RUNX3: variants seen among roughly 807,000 people sequenced by gnomAD.
The protein encoded by RUNX3 is RUNX family transcription factor 3.
Under a neutral mutation model 27.7 loss-of-function variants are expected in RUNX3, and 10 were observed. The ratio of observed to expected loss-of-function variants is 0.36; its 90% CI spans 0.22 to 0.61. RUNX3 has a LOEUF of 0.61. Ranked by LOEUF, RUNX3 falls within the 20% of genes least tolerant of loss-of-function variation. RUNX3 has a pLI of 0.72. For missense variants in RUNX3, 469 were observed against 629.5 expected (o/e 0.75, Z 2.73); for synonymous variants, 270 against 269.2 (o/e 1.00, Z -0.03).
chr1:24,907,696 T>G (rs1337672766), intron 3 of RUNX3, among the ~76,000 whole-genome samples: 2 of 151,912 alleles, frequency 1.3e-5, no homozygotes, highest in Non-Finnish European at 2.9e-5. Flanking sequence ...CACGCGGTGA[T>G]CTAAACCTCT....
chr1:24,934,413 G>C (rs1269914805), upstream of RUNX3, among the ~76,000 whole-genome samples: 3 of 152,184 alleles, frequency 2.0e-5, no homozygotes, highest in African/African-American at 7.2e-5. Context: ...AGGGGAGGGA[G>C]AAGGAGCAAG....
intron 2 of RUNX3, among the ~76,000 whole-genome samples, chr1:24,924,550 G>A (rs1334723046): frequency 6.6e-6 from 1 of 150,962 alleles, no homozygotes; most frequent in African/African-American, 2.4e-5. Context: ...TCATGGTATT[G>A]GCAGCAAGGC....
chr1:24,957,352 CCAT>C (rs1341508384), intron 2 of RUNX3, among the ~76,000 whole-genome samples: 2 of 151,898 alleles, frequency 1.3e-5, no homozygotes, highest in African/African-American at 4.8e-5. Context: ...ATCCATCCAT[CCAT>C]CCATCCATCC....
upstream of RUNX3, among the ~76,000 whole-genome samples, chr1:24,932,086 G>T (rs552272859): frequency 1.3e-5 from 2 of 152,342 alleles, no homozygotes; most frequent in South Asian, 4.1e-4. Context: ...GCGGGACCAT[G>T]ACCCGCTGTT....
rs1640588145 is a variant in RUNX3, at chr1:24,902,848, C to G, written c.704-182G>C. ...CCCCCGCCAGGACTCCGAACACAGACCTGCCGGGAAGCTGGTTGGAGCGTG... is the reference window on the plus strand; with the variant it reads ...CCCCCGCCAGGACTCCGAACACAGAGCTGCCGGGAAGCTGGTTGGAGCGTG... On this transcript the variant is annotated intron_variant, in intron 4 of 4. Coordinates refer to ENST00000308873, the MANE Select transcript of RUNX3 (RefSeq NM_004350.3). The surrounding 1 kb of genome is among the most constrained non-coding windows in gnomAD (Gnocchi z 9.2). Among the ~76,000 whole-genome samples, 2 of 152,200 alleles carry G rather than the reference C, an allele frequency of 1.3e-5. No individual in the cohort carries two copies. Among genetic ancestry groups the G allele is most frequent in the African/African-American group, 4.8e-5 (2 of 41,448 alleles).
In RUNX3 at chr1:24,901,012, G is replaced by GTTTTGTTTTT. The variant is rs1640530712; in HGVS notation, c.*1100_*1109dup. ...TTTTCTAAAATCAGTTTTAAAAACT[G>GTTTTGTTTTT]TTTTGTTTTTTTTTTGTTTTTTTGT... is the stretch of plus-strand genomic sequence containing the variant. On this transcript the variant is annotated 3_prime_UTR_variant, in exon 5 of 5. Coordinates refer to ENST00000308873, the MANE Select transcript of RUNX3 (RefSeq NM_004350.3). The GTTTTGTTTTT allele has an allele frequency of 7.2e-6, 1 of 137,968 alleles. No homozygotes were observed. The highest frequency in any genetic ancestry group is 2.7e-5 in the African/African-American group (1 of 36,542). 8.5% of individuals were successfully genotyped at this position (137,968 alleles called of 1,614,324 possible). A position where few individuals can be genotyped will look rare whatever the true frequency, so the allele number is the denominator to read the frequency against.
intron 1 of RUNX3, chr1:24,929,368 C>CG (rs1319457875): frequency 1.7e-5 from 12 of 700,430 alleles, no homozygotes; most frequent in African/African-American, 3.5e-5. Flanking sequence ...CCAGGTGGAG[C>CG]GGGGCAACCC....
At chr1:24,935,942 C>T (rs1176614674) in intron 2 of RUNX3, among the ~76,000 whole-genome samples, 2 of 152,220 alleles carry the variant, frequency 1.3e-5, no homozygotes, top group East Asian at 1.9e-4. Context: ...GGAGCCCTTC[C>T]AGCACCCCAC....
chr1:24,952,546 G>A (rs1407879010), intron 2 of RUNX3, among the ~76,000 whole-genome samples: 3 of 152,190 alleles, frequency 2.0e-5, no homozygotes, highest in Non-Finnish European at 4.4e-5. Flanking sequence ...GTTGGGAGAT[G>A]CCACCCTCAT....
In RUNX3 at chr1:24,948,286, T is replaced by G. The variant is rs148398371; in HGVS notation, c.58+16228A>C. ...TGGCCCTTGGTCCCCCCAAAAGGAG[T>G]TCCTGAAAAGTCTGTGTCTGTTGCA... is the stretch of plus-strand genomic sequence containing the variant. On this transcript the variant is annotated intron_variant, in intron 2 of 6. Transcript: ENST00000338888. 3.5e-4 allele frequency among the ~76,000 whole-genome samples: 53 copies of G among 152,266 alleles called. 3 individuals are homozygous for G. In the East Asian group the frequency reaches 0.01, roughly 29 times the overall value.
chr1:24,964,542 G>A (rs1642207382), exon 2 of RUNX3: 2 of 1,611,902 alleles, frequency 1.2e-6, no homozygotes, highest in Non-Finnish European at 1.7e-6. Flanking sequence ...AGTAGGTCGG[G>A]AAGGAGTCGA....
In RUNX3 at chr1:24,904,788, C is replaced by T. The variant is rs1478057494; in HGVS notation, c.704-2122G>A. ...TTCCTCAGGGCCACCACCCCTCCTC[C>T]GGGGTGGTGGGGGAAGTACCTGCCC... On this transcript the variant is annotated intron_variant, in intron 4 of 4. Coordinates refer to ENST00000308873, the MANE Select transcript of RUNX3 (RefSeq NM_004350.3). This position sits in a 1 kb window ranked among gnomAD's most constrained non-coding sequence, Gnocchi z 5.7. 2.0e-5 allele frequency among the ~76,000 whole-genome samples: 3 copies of T among 152,076 alleles called. No individual in the cohort carries two copies. Among genetic ancestry groups the T allele is most frequent in the East Asian group, 1.9e-4 (1 of 5,186 alleles).
intron 2 of RUNX3, among the ~76,000 whole-genome samples, chr1:24,938,658 C>T (rs975349945): frequency 1.4e-4 from 21 of 152,180 alleles, no homozygotes; most frequent in African/African-American, 4.8e-4. Context: ...AACTTCACCC[C>T]CATTGTGATG....
intron 2 of RUNX3, among the ~76,000 whole-genome samples, chr1:24,953,754 A>G (rs1641840152): frequency 6.6e-6 from 1 of 152,244 alleles, no homozygotes; most frequent in Non-Finnish European, 1.5e-5. Flanking sequence ...TAGGGCCAAC[A>G]TGGTACTCAA....
chr1:24,953,341 G>A (rs1203441762), intron 2 of RUNX3, among the ~76,000 whole-genome samples: 2 of 127,832 alleles, frequency 1.6e-5, no homozygotes, highest in Non-Finnish European at 3.1e-5. Flanking sequence ...GCCAGCCTGG[G>A]CGACAGAGCC....
intron 2 of RUNX3, among the ~76,000 whole-genome samples, chr1:24,922,839 G>A (rs899845261): frequency 6.8e-6 from 1 of 147,208 alleles, no homozygotes; most frequent in Admixed American, 6.7e-5. Context: ...AGTATCACAG[G>A]CCCTACCACT....
Position 24,904,139 on chromosome 1 carries a change from G to A in RUNX3, c.704-1473C>T, listed in dbSNP as rs1640617290. 6.6e-6 allele frequency among the ~76,000 whole-genome samples: 1 copy of A among 152,198 alleles called. No individual in the cohort carries two copies. On this transcript the variant is annotated intron_variant, in intron 4 of 4. Coordinates refer to ENST00000308873, the MANE Select transcript of RUNX3 (RefSeq NM_004350.3). This position sits in a 1 kb window ranked among gnomAD's most constrained non-coding sequence, Gnocchi z 5.7. ...CAGCAGTGGTCCAGAGGTGCAGTCTGTCCAGCCCAGCAACCCCTCTGTGTC... is the reference window on the plus strand; with the variant it reads ...CAGCAGTGGTCCAGAGGTGCAGTCTATCCAGCCCAGCAACCCCTCTGTGTC...
chr1:24,908,538 A>C lies in RUNX3; in HGVS notation c.545-1121T>G, dbSNP rs78370010. Among the ~76,000 whole-genome samples the C allele has an allele frequency of 5.3e-5, 8 of 152,246 alleles. No homozygotes were observed. In the East Asian group the frequency reaches 1.5e-3, roughly 29 times the overall value. On this transcript the variant is annotated intron_variant, in intron 3 of 4. Coordinates refer to ENST00000308873, the MANE Select transcript of RUNX3 (RefSeq NM_004350.3). ...AAACTTAGCCAGGTGGGGTGGCACA[A>C]GCCTGTAGTCCCAGCTACTGGGATG...
At chr1:24,912,524 C>T (rs1361402081) in intron 3 of RUNX3, among the ~76,000 whole-genome samples, 2 of 152,164 alleles carry the variant, frequency 1.3e-5, no homozygotes, top group Middle Eastern at 3.2e-3. Context: ...CCCCATCACA[C>T]CTCTGCAGGC....
Sources: allele counts gnomAD v4.1 joint callset (sites outside exome capture counted in the v4.1 genomes callset), GRCh38; gene constraint gnomAD v4.1.1; non-coding constraint Gnocchi (gnomAD v3.1); transcripts MANE v1.5; gene names NCBI Gene and HGNC (gene_info 2026-07-23, HGNC 2026-07-21).